Variants in UHRF2 observed in about 807,000 individuals in gnomAD.
UHRF2 encodes E3 ubiquitin-protein ligase UHRF2.
A neutral mutation model predicts 96.8 loss-of-function variants in UHRF2; 23 were observed. The observed-to-expected ratio is 0.24, with a 90% CI of 0.17 to 0.34. The LOEUF (loss-of-function observed/expected upper bound fraction) is 0.34, where lower values mean the gene tolerates loss of function less well. UHRF2 is among the 10% of genes least tolerant of loss of function. The pLI is 1.00. For synonymous variants in UHRF2, 385 were observed against 332.6 expected (o/e 1.16, Z -1.72); for missense variants, 685 against 981.5 (o/e 0.70, Z 4.04).
chr9:6,423,957 T>A (rs959977825), intron 2 of UHRF2, among the ~76,000 whole-genome samples: 9 of 151,142 alleles, frequency 6.0e-5, no homozygotes, highest in Admixed American at 4.0e-4. Context: ...AAAAAATAAA[T>A]AAATAAATAA....
intron 9 of UHRF2, among the ~76,000 whole-genome samples, chr9:6,489,040 C>A (rs1031632540): frequency 6.6e-6 from 1 of 152,004 alleles, no homozygotes; most frequent in African/African-American, 2.4e-5. Flanking sequence ...AAACTCCTGA[C>A]CTCAAGTGAC....
chr9:6,443,141 C>G (rs192398679), intron 3 of UHRF2, among the ~76,000 whole-genome samples: 15 of 152,302 alleles, frequency 9.8e-5, no homozygotes, highest in Admixed American at 9.2e-4. Context: ...TGTATCTGAT[C>G]TTAAGAATGA....
intron 1 of UHRF2, among the ~76,000 whole-genome samples, chr9:6,416,403 C>A (rs567832501): frequency 6.6e-6 from 1 of 151,914 alleles, no homozygotes; most frequent in East Asian, 2.0e-4. Flanking sequence ...TGGAGACCTG[C>A]AATTCAGGGC....
In UHRF2 at chr9:6,460,530, T is replaced by G. The variant is rs749051797; in HGVS notation, c.645-43T>G. Reference sequence around the variant, plus strand: ...TCTGTACATTGCATAAAACTTTAGTTGTCTTTGGTAATCATAAGCCATATG... The same window carrying G: ...TCTGTACATTGCATAAAACTTTAGTGGTCTTTGGTAATCATAAGCCATATG... On this transcript the variant is annotated intron_variant, in intron 3 of 15. Coordinates refer to ENST00000276893, the MANE Select transcript of UHRF2 (RefSeq NM_152896.3). 21 of 1,510,562 alleles carry G rather than the reference T, an allele frequency of 1.4e-5. No individual in the cohort carries two copies. The African/African-American group carries it at 2.7e-4, about 19-fold the overall frequency. The allele number at this position is 1,510,562 out of a possible 1,614,324, so 93.6% of individuals were successfully genotyped here.
At chr9:6,428,389 G>A (rs1820374209) in intron 2 of UHRF2, among the ~76,000 whole-genome samples, 1 of 151,882 alleles carries the variant, frequency 6.6e-6, no homozygotes, top group South Asian at 2.1e-4. Flanking sequence ...GACTTCTATG[G>A]TAATCATTTC....
chr9:6,492,666 A>G (rs1824729804), intron 9 of UHRF2: 1 of 152,710 alleles, frequency 6.5e-6, no homozygotes. Context: ...GTCTAAACTA[A>G]TTAAAATGAT....
intron 14 of UHRF2, among the ~76,000 whole-genome samples, chr9:6,502,188 G>T (rs1463178650): frequency 1.3e-5 from 2 of 151,992 alleles, no homozygotes; most frequent in Non-Finnish European, 2.9e-5. Context: ...CCTTCCAAAG[G>T]CCCTGTGATC....
At position 6,460,738 on chromosome 9, in the gene UHRF2, A is replaced by T. The variant is rs750031343; in HGVS notation, c.810A>T (p.Thr270=). The T allele has an allele frequency of 6.2e-7, 1 of 1,613,948 alleles. No individual in the cohort carries two copies. ...RGFWFDAEIT[T]LKTISRTKKE... ...TCTGGTTTGATGCAGAAATTACCAC[A>T]TTGAAGACAATCTCAAGGACCAAAA... The change falls in exon 4 of 16, where the codon ACA becomes ACT. Residue 270 remains threonine (T), a synonymous_variant. Transcript: ENST00000276893.
intron 2 of UHRF2, among the ~76,000 whole-genome samples, chr9:6,425,459 T>G (rs1239952605): frequency 6.6e-6 from 1 of 152,136 alleles, no homozygotes; most frequent in African/African-American, 2.4e-5. Flanking sequence ...TTCCTTTAAT[T>G]GTCAAAGGAT....
chr9:6,496,149 C>T (rs1394333644), intron 10 of UHRF2: 5 of 151,916 alleles, frequency 3.3e-5, no homozygotes, highest in African/African-American at 1.2e-4. Flanking sequence ...ATTTTCTTGA[C>T]GTCTATTTTT....
intron 5 of UHRF2, among the ~76,000 whole-genome samples, chr9:6,477,415 A>G (rs964527499): frequency 2.0e-5 from 3 of 151,314 alleles, no homozygotes; most frequent in African/African-American, 4.9e-5. Context: ...AATCCCAGCT[A>G]CTCGAGAAGC....
chr9:6,461,382 TCTCTC>T (rs1282271222), intron 4 of UHRF2, among the ~76,000 whole-genome samples: 15 of 95,914 alleles, frequency 1.6e-4, no homozygotes, highest in African/African-American at 6.2e-4. Context: ...CCCTCCTCCT[TCTCTC>T]CTCCCCCCCG....
intron 6 of UHRF2, among the ~76,000 whole-genome samples, chr9:6,480,733 T>TGA (rs1215133114): frequency 6.6e-6 from 1 of 152,194 alleles, no homozygotes; most frequent in Non-Finnish European, 1.5e-5. Context: ...GAAGCCTTCC[T>TGA]GATTTCCCAA....
intron 2 of UHRF2, among the ~76,000 whole-genome samples, chr9:6,429,787 A>C (rs529996569): frequency 1.3e-5 from 2 of 152,366 alleles, no homozygotes; most frequent in Admixed American, 1.3e-4. Context: ...GGACAAATTA[A>C]GTAACTTGTT....
rs560122844 is a variant in UHRF2 at position 6,506,269 on chromosome 9, G to C, written c.*90G>C. On this transcript the variant is annotated 3_prime_UTR_variant, in exon 16 of 16. Transcript: ENST00000276893. ...GGGAGGGTGGAAGAAATGGTGGACT[G>C]TATCTCTCACGTTCTGAAGCAGCTA... 315 of 1,520,428 alleles carry C rather than the reference G, an allele frequency of 2.1e-4. No homozygotes were observed. The African/African-American group carries it at 4.0e-3, about 19-fold the overall frequency. 94.2% of individuals were successfully genotyped at this position (1,520,428 alleles called of 1,614,324 possible).
intron 1 of UHRF2, among the ~76,000 whole-genome samples, chr9:6,419,286 A>G (rs763495883): frequency 2.0e-4 from 31 of 152,188 alleles, no homozygotes; most frequent in Non-Finnish European, 3.5e-4. Context: ...CTCAAGTACC[A>G]TGGATTAGGA....
At position 6,468,158 on chromosome 9, in the gene UHRF2, G is replaced by A. The variant is rs73403414; in HGVS notation, c.864-7233G>A. Among the ~76,000 whole-genome samples, 1,025 of 152,210 alleles carry A rather than the reference G, an allele frequency of 6.7e-3. 14 individuals are homozygous for A. The highest frequency in any genetic ancestry group is 0.024 in the African/African-American group (978 of 41,528). The stretch of plus-strand genomic sequence containing the variant: ...TCGGCCTATTAGATTCAGTGAAATA[G>A]GATATTTCTTGGGGAATGAATTGAT... On this transcript the variant is annotated intron_variant, in intron 4 of 15. Transcript: ENST00000276893.
intron 3 of UHRF2, among the ~76,000 whole-genome samples, chr9:6,451,730 C>CA (rs1821879469): frequency 6.6e-6 from 1 of 151,834 alleles, no homozygotes; most frequent in Admixed American, 6.6e-5. Flanking sequence ...CTCGGCCTCC[C>CA]AAAGTGCTGG....
At chr9:6,502,325 C>T (rs985123490) in intron 14 of UHRF2, among the ~76,000 whole-genome samples, 3 of 152,128 alleles carry the variant, frequency 2.0e-5, no homozygotes, top group African/African-American at 7.2e-5. Context: ...CCTTTACATA[C>T]ATACTGTTAC....
Sources: allele counts gnomAD v4.1 joint callset (sites outside exome capture counted in the v4.1 genomes callset), GRCh38; gene constraint gnomAD v4.1.1; transcripts MANE v1.5; gene names NCBI Gene and HGNC (gene_info 2026-07-23, HGNC 2026-07-21).